The following KCNG2 variants were observed in gnomAD, a reference collection of about 807,000 sequenced individuals.
The protein encoded by KCNG2 is voltage-gated potassium channel regulatory subunit KCNG2.
A neutral mutation model predicts 12.3 loss-of-function variants in KCNG2; 7 were observed. The ratio of observed to expected loss-of-function variants is 0.57; its 90% CI spans 0.32 to 1.07. KCNG2 has a LOEUF of 1.07. KCNG2 is among the 50% of genes least tolerant of loss of function. The pLI is 0.04. For synonymous variants in KCNG2, 414 were observed against 351.4 expected, an observed-to-expected ratio of 1.18 and a Z score of -1.99; for missense variants, 703 against 726.0, an observed-to-expected ratio of 0.97 and a Z score of 0.36.
At chr18:79,842,527 T>C (rs1476750749) in intron 1 of KCNG2, among the ~76,000 whole-genome samples, 4 of 152,164 alleles carry the variant, frequency 2.6e-5, no homozygotes, top group Non-Finnish European at 5.9e-5. Context: ...AATGGAGATC[T>C]ACAAACAGCC....
chr18:79,838,794 A>G (rs1193330361), intron 1 of KCNG2, among the ~76,000 whole-genome samples: 1 of 152,234 alleles, frequency 6.6e-6, no homozygotes, highest in East Asian at 1.9e-4. Context: ...TTGTGAGACC[A>G]AGCTATACAG....
At chr18:79,832,463 G>A (rs1012777936) in intron 1 of KCNG2, among the ~76,000 whole-genome samples, 13 of 148,454 alleles carry the variant, frequency 8.8e-5, no homozygotes, top group Middle Eastern at 3.7e-3. Context: ...TCACCTGTCC[G>A]TCTTCACCTG....
chr18:79,868,416 C>A (rs1171649811), intron 3 of KCNG2, among the ~76,000 whole-genome samples: 2 of 152,130 alleles, frequency 1.3e-5, no homozygotes, highest in African/African-American at 4.8e-5. Context: ...GGTTAAGAAG[C>A]AGTCGCCCTC....
chr18:79,863,568 G>A, intron 2 of KCNG2, 60 bp from the exon 3 acceptor site: 1 of 1,124,778 alleles, frequency 8.9e-7, no homozygotes, highest in Non-Finnish European at 1.1e-6. Flanking sequence ...GATCCCCGCG[G>A]GCGGACGCGC....
intron 3 of KCNG2, among the ~76,000 whole-genome samples, chr18:79,880,105 G>T (rs1980236118): frequency 6.6e-6 from 1 of 152,164 alleles, no homozygotes; most frequent in Non-Finnish European, 1.5e-5. Context: ...CAGAAAAGAG[G>T]TTACAGTTAT....
At chr18:79,816,078 G>A (rs1381698454) in intron 1 of KCNG2, 1 of 152,192 alleles carries the variant, frequency 6.6e-6, no homozygotes, top group Non-Finnish European at 1.5e-5. Context: ...TTTTTATGCA[G>A]ATGAACATCT....
At chr18:79,861,985 T>A (rs969340068) in intron 2 of KCNG2, among the ~76,000 whole-genome samples, 4 of 152,370 alleles carry the variant, frequency 2.6e-5, no homozygotes, top group Middle Eastern at 3.4e-3. Context: ...CACTTTTTTT[T>A]AATATAACTT....
chr18:79,898,297 C>A (rs1287138465), intron 3 of KCNG2, among the ~76,000 whole-genome samples: 1 of 152,218 alleles, frequency 6.6e-6, no homozygotes, highest in Non-Finnish European at 1.5e-5. Flanking sequence ...CCCTCCCTCT[C>A]TAGGAGCTGA....
chr18:79,869,231 C>G (rs1015081166), intron 3 of KCNG2, among the ~76,000 whole-genome samples: 2 of 151,728 alleles, frequency 1.3e-5, no homozygotes, highest in African/African-American at 4.8e-5. Flanking sequence ...GAGTCTCCTG[C>G]CCCTGGGCTG....
At chr18:79,805,992 G>A (rs547401609) in intron 1 of KCNG2, among the ~76,000 whole-genome samples, 4 of 152,004 alleles carry the variant, frequency 2.6e-5, no homozygotes, top group South Asian at 4.2e-4. Context: ...AGCCAGGCCC[G>A]AGCTTGCATC....
chr18:79,839,464 C>G (rs1452223906), intron 1 of KCNG2, among the ~76,000 whole-genome samples: 1 of 152,202 alleles, frequency 6.6e-6, no homozygotes, highest in East Asian at 1.9e-4. Context: ...CATTTGACAG[C>G]CCAGATCTAC....
chr18:79,899,978 C>T lies in KCNG2; in HGVS notation c.*162C>T, dbSNP rs2123144436. 1 of 543,108 alleles carries T rather than the reference C, an allele frequency of 1.8e-6. No homozygotes were observed. The highest frequency in any genetic ancestry group is 2.8e-6 in the Non-Finnish European group (1 of 362,718). The allele number at this position is 543,108 out of a possible 1,614,324, so 33.6% of individuals were successfully genotyped here. A position where few individuals can be genotyped will look rare whatever the true frequency, so the allele number is the denominator to read the frequency against. ...AGCAGCCCCAGAACTTGGCGGGGCC[C>T]TGCCTGACTCCCCGTGGCAGCGCTG... On this transcript the variant is annotated 3_prime_UTR_variant, in exon 4 of 4. Transcript: ENST00000316249.
At chr18:79,819,813 T>C (rs1403966697) in intron 1 of KCNG2, among the ~76,000 whole-genome samples, 1 of 152,218 alleles carries the variant, frequency 6.6e-6, no homozygotes, top group South Asian at 2.1e-4. Flanking sequence ...AATTCTTCCA[T>C]TGCCCTCAAC....
At chr18:79,888,401 ACGGCGGCG>A (rs1568272134) in intron 3 of KCNG2, among the ~76,000 whole-genome samples, 3 of 151,254 alleles carry the variant, frequency 2.0e-5, no homozygotes, top group Non-Finnish European at 4.4e-5. Context: ...TGGGGCCGGG[ACGGCGGCG>A]TCCTCCTCAT....
At chr18:79,858,325 C>T (rs1243623570) in intron 2 of KCNG2, among the ~76,000 whole-genome samples, 17 of 152,198 alleles carry the variant, frequency 1.1e-4, no homozygotes, top group Admixed American at 1.0e-3. Flanking sequence ...TAAACGGATT[C>T]CCAGTATATG....
At chr18:79,799,845 G>C (rs183718851) in intron 1 of KCNG2, among the ~76,000 whole-genome samples, 1 of 152,244 alleles carries the variant, frequency 6.6e-6, no homozygotes, top group African/African-American at 2.4e-5. Flanking sequence ...CGGGGTTTCT[G>C]CCCAGCGTGC....
intron 1 of KCNG2, among the ~76,000 whole-genome samples, chr18:79,828,463 GTGTC>G (rs1426552661): frequency 5.9e-5 from 9 of 151,664 alleles, no homozygotes; most frequent in East Asian, 3.9e-4. Flanking sequence ...GTGCAAATGT[GTGTC>G]TGTGTGTGCA....
rs2087400142 is a variant in KCNG2, at chr18:79,800,483, T to G, written c.-115+2469T>G. Reference sequence around the variant, plus strand: ...GAGGGCGGGCATTGACCGAGGTAGTTTAAGACCCCCTTCCTCAGATGAGGC... The same window carrying G: ...GAGGGCGGGCATTGACCGAGGTAGTGTAAGACCCCCTTCCTCAGATGAGGC... On this transcript the variant is annotated intron_variant, in intron 1 of 3. Transcript: ENST00000316249. The surrounding 1 kb of genome is among the most constrained non-coding windows in gnomAD (Gnocchi z 4.0). Among the ~76,000 whole-genome samples, 1 of 152,040 alleles carries G rather than the reference T, an allele frequency of 6.6e-6. No homozygotes were observed. Among genetic ancestry groups the G allele is most frequent in the South Asian group, 2.1e-4 (1 of 4,818 alleles).
At chr18:79,827,180 A>C (rs1978286821) in intron 1 of KCNG2, among the ~76,000 whole-genome samples, 1 of 152,130 alleles carries the variant, frequency 6.6e-6, no homozygotes, top group Non-Finnish European at 1.5e-5. Flanking sequence ...GTGCGCCCCC[A>C]CATGGTCATG....
Sources: gnomAD v4.1 joint callset for allele counts (sites outside exome capture counted in the v4.1 genomes callset) on GRCh38, gnomAD v4.1.1 for gene constraint, Gnocchi (gnomAD v3.1) non-coding constraint, MANE v1.5 for transcripts, NCBI Gene and HGNC (gene_info 2026-07-23, HGNC 2026-07-21) for gene names.